The following CFAP47 variants were observed in gnomAD, a reference collection of about 807,000 sequenced individuals.
CFAP47 encodes cilia- and flagella-associated protein 47.
CFAP47 carries 29 observed loss-of-function variants against 148.1 expected under a neutral mutation model. That is an observed-to-expected ratio of 0.20 (90% CI 0.15 to 0.27). The LOEUF is 0.27. CFAP47 is among the 10% of genes least tolerant of loss of function. The pLI, the probability that CFAP47 is intolerant of heterozygous loss-of-function variation, is 1.00. For missense variants in CFAP47, 1,872 were observed against 1,697.5 expected (o/e 1.10, Z -1.81); for synonymous variants, 664 against 577.3 (o/e 1.15, Z -2.15).
chrX:35,934,237 A>G (rs998617479), intron 2 of CFAP47, among the ~76,000 whole-genome samples: 1 of 110,981 alleles, frequency 9.0e-6, no homozygotes, highest in African/African-American at 3.3e-5. Context: ...AAGTCTACCT[A>G]TTGTACTGTG....
At chrX:35,945,448 C>T (rs761360997) in intron 3 of CFAP47, among the ~76,000 whole-genome samples, 4 of 111,080 alleles carry the variant, frequency 3.6e-5, no homozygotes, top group Non-Finnish European at 7.5e-5. Flanking sequence ...CTGACTACTC[C>T]TAGATCTATA....
intron 60 of CFAP47, among the ~76,000 whole-genome samples, chrX:36,358,945 T>A (rs1247725934): frequency 8.9e-6 from 1 of 111,753 alleles, no homozygotes; most frequent in Non-Finnish European, 1.9e-5. Flanking sequence ...CATGGGATCC[T>A]CTACTTCTCC....
chrX:36,032,138 G>T (rs990760816), intron 23 of CFAP47, among the ~76,000 whole-genome samples: 1 of 110,920 alleles, frequency 9.0e-6, no homozygotes, highest in Non-Finnish European at 1.9e-5. Flanking sequence ...GGCTAGAAAG[G>T]CAACTTTAAT....
chrX:36,160,088 A>G (rs964859467), intron 38 of CFAP47, among the ~76,000 whole-genome samples: 3 of 111,828 alleles, frequency 2.7e-5, no homozygotes, highest in Non-Finnish European at 3.8e-5. Context: ...CAAATGGATT[A>G]TAAAGAAATT....
In CFAP47 at chrX:36,350,249, C is replaced by A. The variant is rs933415711; in HGVS notation, c.8698+117C>A. ...GTAGGTAGTAATGTGAACAGTCCTA[C>A]TGGTGGGCATTCTATGACATAAACA... On this transcript the variant is annotated intron_variant, in intron 59 of 63. Coordinates refer to ENST00000378653, the MANE Select transcript of CFAP47 (RefSeq NM_001304548.2). 14 of 412,247 alleles carry A rather than the reference C, an allele frequency of 3.4e-5. No homozygotes were observed. In the East Asian group the frequency reaches 5.7e-4, roughly 17 times the overall value. 34.0% of individuals were successfully genotyped at this position (412,247 alleles called of 1,213,427 possible).
intron 37 of CFAP47, among the ~76,000 whole-genome samples, chrX:36,150,691 G>A (rs1338860622): frequency 9.0e-6 from 1 of 110,812 alleles, no homozygotes; most frequent in Non-Finnish European, 1.9e-5. Flanking sequence ...CCCTTGTTTC[G>A]TGTCATTAGC....
rs782794648 is a variant in CFAP47 at position 36,361,521 on chromosome X, T to A, written c.9023+20T>A. The A allele has an allele frequency of 7.1e-5, 60 of 844,438 alleles. 1 individual carries two copies. The Admixed American group carries it at 1.9e-3, about 26-fold the overall frequency. 69.6% of individuals were successfully genotyped at this position (844,438 alleles called of 1,213,427 possible). ...ATTAAGGTAAATCTACTTTCCTCTT[T>A]TTTATTTAAACAATAGTATTACCCT... On this transcript the variant is annotated intron_variant, in intron 61 of 63. Transcript: ENST00000378653.
At chrX:36,261,991 G>A (rs1556000253) in intron 49 of CFAP47, among the ~76,000 whole-genome samples, 2 of 110,543 alleles carry the variant, frequency 1.8e-5, no homozygotes, top group Non-Finnish European at 3.8e-5. Context: ...GTGGCTGGCC[G>A]GGCGGGGGCT....
At chrX:36,069,530 A>G (rs141028712) in intron 27 of CFAP47, among the ~76,000 whole-genome samples, 1,485 of 111,734 alleles carry the variant, frequency 0.013, 28 homozygotes, top group African/African-American at 0.046. Context: ...AGAAATTATA[A>G]TTCTTAAATA....
At chrX:36,320,832 A>G (rs1436910243) in intron 57 of CFAP47, among the ~76,000 whole-genome samples, 1 of 109,548 alleles carries the variant, frequency 9.1e-6, no homozygotes, top group Admixed American at 1.0e-4. Flanking sequence ...GGAAATACAA[A>G]TTACTACATA....
At chrX:36,301,542 T>G (rs1941299007) in intron 53 of CFAP47, among the ~76,000 whole-genome samples, 1 of 110,175 alleles carries the variant, frequency 9.1e-6, no homozygotes, top group Non-Finnish European at 1.9e-5. Context: ...AGACAGAATC[T>G]TTGGAGGGAA....
chrX:36,308,897 G>C (rs1055541626), intron 55 of CFAP47, among the ~76,000 whole-genome samples: 3 of 111,444 alleles, frequency 2.7e-5, no homozygotes, highest in Admixed American at 1.9e-4. Context: ...TAACCATTCA[G>C]TTATGATTAG....
chrX:36,097,033 A>G (rs1480550275), intron 30 of CFAP47, among the ~76,000 whole-genome samples: 1 of 111,016 alleles, frequency 9.0e-6, no homozygotes, highest in Non-Finnish European at 1.9e-5. Context: ...GAGGCTTGCA[A>G]ATAGTATCTT....
chrX:36,132,066 A>C (rs757620089), intron 33 of CFAP47, among the ~76,000 whole-genome samples: 5 of 111,261 alleles, frequency 4.5e-5, no homozygotes, highest in African/African-American at 6.5e-5. Context: ...TCTAACATAA[A>C]ATTCATGTGA....
At chrX:36,089,723 G>A (rs1200711356) in intron 30 of CFAP47, among the ~76,000 whole-genome samples, 9 of 111,627 alleles carry the variant, frequency 8.1e-5, no homozygotes, top group Non-Finnish European at 3.8e-5. Context: ...AATAACTAAC[G>A]GATGCTAGGC....
intron 2 of CFAP47, among the ~76,000 whole-genome samples, chrX:35,940,289 C>T (rs1202056153): frequency 9.0e-6 from 1 of 111,132 alleles, no homozygotes; most frequent in Non-Finnish European, 1.9e-5. Flanking sequence ...TGCAGAAGCT[C>T]TTGAGTTTAA....
At chrX:35,942,440 G>A (rs780016511) in intron 3 of CFAP47, among the ~76,000 whole-genome samples, 3 of 111,322 alleles carry the variant, frequency 2.7e-5, no homozygotes, top group Non-Finnish European at 3.8e-5. Flanking sequence ...TTAAATGAGT[G>A]CATGTCTGAT....
At chrX:36,009,002 C>T (rs1356785116) in intron 21 of CFAP47, among the ~76,000 whole-genome samples, 1 of 110,395 alleles carries the variant, frequency 9.1e-6, no homozygotes, top group Non-Finnish European at 1.9e-5. Flanking sequence ...GGAGGTTTAT[C>T]CAGAACCCTG....
In CFAP47 at chrX:35,973,467, G is replaced by A. The variant is rs372371346; in HGVS notation, c.2254+1502G>A. Among the ~76,000 whole-genome samples, 11 of 111,990 alleles carry A rather than the reference G, an allele frequency of 9.8e-5. No individual in the cohort carries two copies. In the South Asian group the frequency reaches 3.7e-3, roughly 38 times the overall value. ...GCCTCCCAAAGTGCTGGGATTACAG[G>A]TGTAAGCCACCGTGCCCGGCCTCTT... On this transcript the variant is annotated intron_variant, in intron 13 of 63. Coordinates refer to ENST00000378653, the MANE Select transcript of CFAP47 (RefSeq NM_001304548.2).
Sources: allele counts gnomAD v4.1 joint callset (sites outside exome capture counted in the v4.1 genomes callset), GRCh38; gene constraint gnomAD v4.1.1; transcripts MANE v1.5; gene names NCBI Gene and HGNC (gene_info 2026-07-23, HGNC 2026-07-21).